RHBDD2: variants seen among roughly 807,000 people sequenced by gnomAD.
The protein encoded by RHBDD2 is rhomboid domain containing 2.
In RHBDD2, 13 loss-of-function variants were observed where a neutral mutation model predicts 21.7. That is an observed-to-expected ratio of 0.60 (90% CI 0.39 to 0.95). RHBDD2 has a LOEUF of 0.95. RHBDD2 is among the 40% of genes least tolerant of loss of function. RHBDD2 has a pLI of 0.00. For synonymous variants in RHBDD2, 225 were observed against 220.0 expected (o/e 1.02, Z -0.20); for missense variants, 473 against 478.9 (o/e 0.99, Z 0.11).
At position 75,887,306 on chromosome 7, in the gene RHBDD2, T is replaced by TAA. The variant is rs551487813; in HGVS notation, c.738-672_738-671dup. Among the ~76,000 whole-genome samples, 9 of 127,676 alleles carry TAA rather than the reference T, an allele frequency of 7.0e-5. No individual in the cohort carries two copies. In the South Asian group the frequency reaches 7.8e-4, roughly 11 times the overall value. The allele number at this position is 127,676 out of a possible 152,430, so 83.8% of individuals were successfully genotyped here. A position where few individuals can be genotyped will look rare whatever the true frequency, so the allele number is the denominator to read the frequency against. Reference sequence around the variant, plus strand: ...GCATATGCCACCAGACCTGGCTAATTAAAAAAAAAAAAAAACAATTTTTTT... The same window carrying TAA: ...GCATATGCCACCAGACCTGGCTAATTAAAAAAAAAAAAAAAAACAATTTTTTT... On this transcript the variant is annotated intron_variant, in intron 3 of 3. Transcript: ENST00000006777.
chr7:75,881,065 G>C (rs997138718), intron 1 of RHBDD2, among the ~76,000 whole-genome samples: 2 of 152,052 alleles, frequency 1.3e-5, no homozygotes, highest in South Asian at 4.1e-4. Flanking sequence ...AGGAATGATG[G>C]TTCGTATGTG....
rs782503926 is a variant in RHBDD2, at chr7:75,883,852, A to T, written c.737+4A>T. The T allele has an allele frequency of 6.2e-7, 1 of 1,608,306 alleles. No homozygotes were observed. Among genetic ancestry groups the T allele is most frequent in the South Asian group, 1.1e-5 (1 of 90,026 alleles). Reference sequence around the variant, plus strand: ...GGAGGGCAGCCCAGAGCCGGAAGTAAGTGACAGAACTCTTAAGTGCTGTTA... The same window carrying T: ...GGAGGGCAGCCCAGAGCCGGAAGTATGTGACAGAACTCTTAAGTGCTGTTA... On this transcript the variant is annotated splice_donor_region_variant and intron_variant, in intron 3 of 3. Coordinates refer to ENST00000006777, the MANE Select transcript of RHBDD2 (RefSeq NM_001040456.3).
At chr7:75,886,478 A>G (rs1554543911) in intron 3 of RHBDD2, among the ~76,000 whole-genome samples, 1 of 152,156 alleles carries the variant, frequency 6.6e-6, no homozygotes, top group East Asian at 1.9e-4. Flanking sequence ...TATCTCACAT[A>G]CAAGAGCTCA....
At chr7:75,883,611 AGT>A in intron 2 of RHBDD2, 85 bp from the exon 3 acceptor site, 1 of 1,172,256 alleles carries the variant, frequency 8.5e-7, no homozygotes, top group Non-Finnish European at 1.2e-6. Flanking sequence ...GCTTCTGTAG[AGT>A]GAGTGGGAAC....
At chr7:75,887,848 C>T in intron 3 of RHBDD2, 144 bp from the exon 4 acceptor site, 1 of 742,438 alleles carries the variant, frequency 1.3e-6, no homozygotes, top group Non-Finnish European at 2.3e-6. Context: ...TGAGGTTAAC[C>T]TTTCTCCCAC....
rs782649318 is a variant in RHBDD2 at position 75,888,395 on chromosome 7, C to A, written c.*46C>A. On this transcript the variant is annotated 3_prime_UTR_variant, in exon 4 of 4. Transcript: ENST00000006777. ...TCTCACTTGGCCTTCTGAAGGTCCTCCCTAAGAGTCTCCTGACAAAAGTTA... is the reference window on the plus strand; with the variant it reads ...TCTCACTTGGCCTTCTGAAGGTCCTACCTAAGAGTCTCCTGACAAAAGTTA... 3.9e-5 allele frequency: 57 copies of A among 1,467,532 alleles called. No homozygotes were observed. The highest frequency in any genetic ancestry group is 5.1e-5 in the Non-Finnish European group (54 of 1,067,384). The allele number at this position is 1,467,532 out of a possible 1,614,324, so 90.9% of individuals were successfully genotyped here. A position where few individuals can be genotyped will look rare whatever the true frequency, so the allele number is the denominator to read the frequency against.
intron 3 of RHBDD2, among the ~76,000 whole-genome samples, chr7:75,885,688 C>T (rs1056011244): frequency 6.6e-6 from 1 of 152,016 alleles, no homozygotes; most frequent in African/African-American, 2.4e-5. Context: ...CAAGGGGAGG[C>T]GGCACCACAC....
At chr7:75,887,886 C>A in intron 3 of RHBDD2, 106 bp from the exon 4 acceptor site, 1 of 931,928 alleles carries the variant, frequency 1.1e-6, no homozygotes, top group Admixed American at 2.0e-5. Context: ...TCACAGAAAA[C>A]ATCCAAGGCA....
In RHBDD2 at chr7:75,888,265, C is replaced by T. The variant is rs1554544516; in HGVS notation, c.1011C>T (p.Asn337=). The change falls in exon 4 of 4, where the codon AAC becomes AAT. Residue 337 remains asparagine, a synonymous_variant. Transcript: ENST00000006777. ...GCATCCAGCCCCCCACGCCTGTGAA[C>T]AGCCCTGGCACGGTGTATTCTGGGG... ...SLGIQPPTPV[N]SPGTVYSGAL... is the part of the protein sequence containing the mutation. 1.2e-6 allele frequency: 2 copies of T among 1,613,510 alleles called. No individual in the cohort carries two copies. The highest frequency in any genetic ancestry group is 1.3e-5 in the African/African-American group (1 of 74,950).
In RHBDD2 at chr7:75,881,733, G is replaced by A. The variant is rs147835107; in HGVS notation, c.179-96G>A. The A allele has an allele frequency of 6.3e-3, 8,029 of 1,265,978 alleles. 49 individuals are homozygous for A. Among genetic ancestry groups the A allele is most frequent in the South Asian group, 0.011 (755 of 68,850 alleles). The allele number at this position is 1,265,978 out of a possible 1,614,324, so 78.4% of individuals were successfully genotyped here. ...TCACTGGCTCTCACTTCTCTGTCAC[G>A]GAGGGGGGCTCTCTGCCTTTCCTAG... On this transcript the variant is annotated intron_variant, in intron 1 of 3. Transcript: ENST00000006777.
Position 75,881,949 on chromosome 7 carries a change from G to C in RHBDD2, c.299G>C (p.Cys100Ser). The C allele has an allele frequency of 6.2e-7, 1 of 1,614,230 alleles. No homozygotes were observed. The highest frequency in any genetic ancestry group is 8.5e-7 in the Non-Finnish European group (1 of 1,180,036). ...AGAACCGTGGGCACCGTCCGCCACT[G>C]CTTCTTCACCGTGATCTTCGCCATC... is the stretch of plus-strand genomic sequence containing the variant. Reference protein sequence around the residue: ...FERTVGTVRHCFFTVIFAIFS... With the variant: ...FERTVGTVRHSFFTVIFAIFS... Residue 100 changes from cysteine to serine, a missense_variant, in exon 2 of 4, where the codon TGC becomes TCC. Transcript: ENST00000006777.
intron 1 of RHBDD2, chr7:75,881,224 A>T: frequency 1.6e-6 from 1 of 632,100 alleles, no homozygotes; most frequent in Non-Finnish European, 2.5e-6. Context: ...TATTACATAT[A>T]AAGCATCAGT....
In RHBDD2 at chr7:75,882,165, T is replaced by G; in HGVS notation, c.515T>G (p.Leu172Arg). 6.2e-7 allele frequency: 1 copy of G among 1,614,158 alleles called. No homozygotes were observed. The highest frequency in any genetic ancestry group is 8.5e-7 in the Non-Finnish European group (1 of 1,180,008). The change falls in exon 2 of 4, where the codon CTG becomes CGG. Residue 172 changes from leucine (L) to arginine (R), a missense_variant. Coordinates refer to ENST00000006777, the MANE Select transcript of RHBDD2 (RefSeq NM_001040456.3). ...TCAGTCCTGGTTCCGTGGCTCCTGCTGGGTGCCTCGTGGCTCATTCCCCAG... is the reference window on the plus strand; with the variant it reads ...TCAGTCCTGGTTCCGTGGCTCCTGCGGGGTGCCTCGTGGCTCATTCCCCAG... ...VPSVLVPWLL[L>R]GASWLIPQTS... is the part of the protein sequence containing the mutation.
chr7:75,886,597 G>A (rs1455945741), intron 3 of RHBDD2, among the ~76,000 whole-genome samples: 4 of 152,076 alleles, frequency 2.6e-5, no homozygotes, highest in African/African-American at 4.8e-5. Flanking sequence ...GGTGGATCAC[G>A]AGATCAGGAG....
At chr7:75,887,869 G>GCTCT (rs1554544250) in intron 3 of RHBDD2, 123 bp from the exon 4 acceptor site, 122 of 830,402 alleles carry the variant, frequency 1.5e-4, no homozygotes, top group Non-Finnish European at 2.0e-4. Flanking sequence ...TTGGTACTTA[G>GCTCT]AGCAAGTCAC....
chr7:75,879,892 A>G (rs1370082877), intron 1 of RHBDD2, among the ~76,000 whole-genome samples: 1 of 152,152 alleles, frequency 6.6e-6, no homozygotes, highest in Non-Finnish European at 1.5e-5. Context: ...AAGTATAAAC[A>G]TCCATTCCTG....
Position 75,888,030 on chromosome 7 carries a change from GCCACCC to G in RHBDD2, c.777_782del (p.Pro261_His262del). The stretch of plus-strand genomic sequence containing the variant: ...CCTGGCTCCTACCCCACACAGAGCT[GCCACCC>G]TCACCTGTCCCCAAGCCACCCTGTG... On this transcript the variant is annotated inframe_deletion, in exon 4 of 4. Transcript: ENST00000006777. The G allele has an allele frequency of 6.2e-7, 1 of 1,613,438 alleles. No homozygotes were observed. The highest frequency in any genetic ancestry group is 8.5e-7 in the Non-Finnish European group (1 of 1,179,978).
intron 1 of RHBDD2, among the ~76,000 whole-genome samples, chr7:75,881,212 C>T (rs924321920): frequency 1.3e-5 from 2 of 152,142 alleles, no homozygotes; most frequent in African/African-American, 2.4e-5. Flanking sequence ...TCTTTGATGT[C>T]TTATTACATA....
chr7:75,881,303 T>TA, intron 1 of RHBDD2: 1 of 1,236,154 alleles, frequency 8.1e-7, no homozygotes, highest in African/African-American at 1.5e-5. Flanking sequence ...TTGTTAATGA[T>TA]AGTGTTATAA....
Sources: allele counts gnomAD v4.1 joint callset (sites outside exome capture counted in the v4.1 genomes callset), GRCh38; gene constraint gnomAD v4.1.1; transcripts MANE v1.5; gene names NCBI Gene and HGNC (gene_info 2026-07-23, HGNC 2026-07-21).